The following CNTNAP2 variants were observed in gnomAD, a reference collection of about 807,000 sequenced individuals.
CNTNAP2 encodes the protein contactin-associated protein-like 2.
A neutral mutation model predicts 155.2 loss-of-function variants in CNTNAP2; 98 were observed. The observed-to-expected ratio is 0.63, with a 90% CI of 0.54 to 0.75. CNTNAP2 has a LOEUF of 0.75. CNTNAP2 is among the 30% of genes least tolerant of loss of function. The probability of loss-of-function intolerance (pLI) is 0.00; values close to 1 mark genes in which losing one functional copy is unlikely to be tolerated. For missense variants in CNTNAP2, 1,727 were observed against 1,688.1 expected (o/e 1.02, Z -0.40); for synonymous variants, 651 against 631.2 (o/e 1.03, Z -0.47).
intron 2 of CNTNAP2, among the ~76,000 whole-genome samples, chr7:146,822,709 A>T (rs1280009601): frequency 6.9e-6 from 1 of 144,510 alleles, no homozygotes; most frequent in South Asian, 2.2e-4. Flanking sequence ...ATTCTTAAGT[A>T]TACACTTAAA....
chr7:146,288,897 C>T (rs1340830800), intron 1 of CNTNAP2, among the ~76,000 whole-genome samples: 2 of 148,968 alleles, frequency 1.3e-5, no homozygotes, highest in Non-Finnish European at 3.0e-5. Context: ...CTCTGCCTCC[C>T]AGGTTCAAGC....
chr7:147,624,786 C>T (rs562213360), intron 12 of CNTNAP2, among the ~76,000 whole-genome samples: 4 of 152,162 alleles, frequency 2.6e-5, no homozygotes, highest in African/African-American at 7.2e-5. Context: ...AATCAGTATA[C>T]GGAAGAAATA....
chr7:148,177,673 G>C (rs1157397898), intron 18 of CNTNAP2, among the ~76,000 whole-genome samples: 2 of 152,136 alleles, frequency 1.3e-5, no homozygotes, highest in Non-Finnish European at 2.9e-5. Flanking sequence ...GCTATTACTA[G>C]TGCTCCTATT....
intron 1 of CNTNAP2, among the ~76,000 whole-genome samples, chr7:146,694,544 T>G (rs1485656682): frequency 6.6e-6 from 1 of 152,202 alleles, no homozygotes; most frequent in Non-Finnish European, 1.5e-5. Context: ...GGGTAGGTCC[T>G]CTTTCTCATC....
chr7:148,106,536 TAATA>T (rs1435570027), intron 15 of CNTNAP2, among the ~76,000 whole-genome samples: 7 of 134,302 alleles, frequency 5.2e-5, no homozygotes, highest in East Asian at 2.0e-4. Flanking sequence ...TTTTTTTTCC[TAATA>T]AATAGAGACG....
At chr7:147,559,552 T>C (rs546104511) in intron 11 of CNTNAP2, among the ~76,000 whole-genome samples, 36 of 152,144 alleles carry the variant, frequency 2.4e-4, no homozygotes, top group Non-Finnish European at 4.6e-4. Flanking sequence ...GTAAACAAGA[T>C]ACCAAATGAA....
intron 1 of CNTNAP2, among the ~76,000 whole-genome samples, chr7:146,374,448 G>A (rs1041730382): frequency 6.6e-6 from 1 of 152,068 alleles, no homozygotes; most frequent in Non-Finnish European, 1.5e-5. Flanking sequence ...TAAGAAAAAC[G>A]GGATGACTAG....
chr7:146,368,063 C>G (rs1298882577), intron 1 of CNTNAP2, among the ~76,000 whole-genome samples: 1 of 152,032 alleles, frequency 6.6e-6, no homozygotes, highest in Non-Finnish European at 1.5e-5. Context: ...TTAGGTACAT[C>G]TATATTAGAT....
chr7:148,185,907 C>T (rs557570259), intron 18 of CNTNAP2, among the ~76,000 whole-genome samples: 10 of 152,282 alleles, frequency 6.6e-5, no homozygotes, highest in Admixed American at 4.6e-4. Flanking sequence ...AAAATGTTAT[C>T]TTCTGTGGCC....
chr7:147,152,780 A>T lies in CNTNAP2; in HGVS notation c.1348+20271A>T, dbSNP rs192902575. Among the ~76,000 whole-genome samples, 99 of 152,258 alleles carry T rather than the reference A, an allele frequency of 6.5e-4. 1 individual carries two copies. The highest frequency in any genetic ancestry group is 1.5e-5 in the Non-Finnish European group (1 of 68,002). On this transcript the variant is annotated intron_variant, in intron 8 of 23. Coordinates refer to ENST00000361727, the MANE Select transcript of CNTNAP2 (RefSeq NM_014141.6). ...TTAAATTATGCTTAAAGTCATAAAA[A>T]ATTAGAATTAAAAGAAATCTTACAG... is the stretch of plus-strand genomic sequence containing the variant.
intron 1 of CNTNAP2, among the ~76,000 whole-genome samples, chr7:146,360,929 C>G (rs969761883): frequency 6.6e-6 from 1 of 152,146 alleles, no homozygotes; most frequent in South Asian, 2.1e-4. Flanking sequence ...TGAGGTAACT[C>G]AAGACACTAT....
At chr7:147,299,030 A>T (rs531227032) in intron 8 of CNTNAP2, among the ~76,000 whole-genome samples, 1 of 152,094 alleles carries the variant, frequency 6.6e-6, no homozygotes, top group South Asian at 2.1e-4. Context: ...TATTCGTTAG[A>T]GTTCTCTTTC....
At chr7:146,422,731 C>A (rs575413489) in intron 1 of CNTNAP2, among the ~76,000 whole-genome samples, 35 of 152,096 alleles carry the variant, frequency 2.3e-4, no homozygotes, top group Non-Finnish European at 4.3e-4. Context: ...AAGCAATCTG[C>A]CTGCCTTGGA....
At chr7:147,472,990 C>T (rs891723077) in intron 10 of CNTNAP2, among the ~76,000 whole-genome samples, 3 of 152,152 alleles carry the variant, frequency 2.0e-5, no homozygotes, top group Non-Finnish European at 2.9e-5. Context: ...AAGGGCTGAG[C>T]CCTAAGGATG....
chr7:147,203,442 G>C (rs1802960209), intron 8 of CNTNAP2, among the ~76,000 whole-genome samples: 6 of 152,046 alleles, frequency 3.9e-5, no homozygotes. Context: ...ATGTTGGCCA[G>C]GCTGGTCTCG....
chr7:146,437,422 A>G (rs928013015), intron 1 of CNTNAP2, among the ~76,000 whole-genome samples: 1 of 151,568 alleles, frequency 6.6e-6, no homozygotes, highest in Admixed American at 6.6e-5. Flanking sequence ...GCCATATTGA[A>G]TCAAAACTAT....
chr7:147,688,220 A>T lies in CNTNAP2; in HGVS notation c.2098+48914A>T, dbSNP rs541482803. On this transcript the variant is annotated intron_variant, in intron 13 of 23. Coordinates refer to ENST00000361727, the MANE Select transcript of CNTNAP2 (RefSeq NM_014141.6). ...GTTCTTATCAGCAGACATTGCTGGA[A>T]ATAAAGAGAGAAATTGTAGAAGGAA... Among the ~76,000 whole-genome samples, 21 of 152,298 alleles carry T rather than the reference A, an allele frequency of 1.4e-4. No individual in the cohort carries two copies. In the South Asian group the frequency reaches 4.4e-3, roughly 32 times the overall value.
chr7:146,438,748 T>C (rs978710817), intron 1 of CNTNAP2, among the ~76,000 whole-genome samples: 1 of 151,560 alleles, frequency 6.6e-6, no homozygotes, highest in Admixed American at 6.6e-5. Flanking sequence ...GGTTGTACAA[T>C]ATAATTTCTA....
intron 10 of CNTNAP2, among the ~76,000 whole-genome samples, chr7:147,429,228 T>G (rs1189767763): frequency 6.6e-6 from 1 of 151,990 alleles, no homozygotes; most frequent in African/African-American, 2.4e-5. Flanking sequence ...TTCCTTATTT[T>G]TGCAATTGCA....
Sources: gnomAD v4.1 joint callset for allele counts (sites outside exome capture counted in the v4.1 genomes callset) on GRCh38, gnomAD v4.1.1 for gene constraint, MANE v1.5 for transcripts, NCBI Gene and HGNC (gene_info 2026-07-23, HGNC 2026-07-21) for gene names.